Variants in GIGYF1 observed in about 807,000 individuals in gnomAD.
GIGYF1 encodes GRB10 interacting GYF protein 1.
GIGYF1 carries 84 observed loss-of-function variants against 147.1 expected under a neutral mutation model. The observed-to-expected ratio is 0.57, with a 90% confidence interval of 0.48 to 0.68. The LOEUF is 0.68. Ranked by LOEUF, GIGYF1 falls within the 30% of genes least tolerant of loss-of-function variation. The pLI, the probability that GIGYF1 is intolerant of heterozygous loss-of-function variation, is 0.00. For missense variants in GIGYF1, 1,485 were observed against 1,393.7 expected, an observed-to-expected ratio of 1.07 and a Z score of -1.04; for synonymous variants, 752 against 589.5, an observed-to-expected ratio of 1.28 and a Z score of -3.99.
chr7:100,684,129 C>G lies in GIGYF1; in HGVS notation c.1759G>C (p.Glu587Gln). 6.2e-7 allele frequency: 1 copy of G among 1,608,788 alleles called. No individual in the cohort carries two copies. The highest frequency in any genetic ancestry group is 8.5e-7 in the Non-Finnish European group (1 of 1,179,728). Reference protein sequence around the residue: ...SRQLPQCALREKAALGDLTPP... With the variant: ...SRQLPQCALRQKAALGDLTPP... The stretch of plus-strand genomic sequence containing the variant: ...GTCAGGTCCCCCAGAGCTGCCTTTT[C>G]TCGGAGCGCGCACTGTGGGAGCTGG... The change falls in exon 18 of 27, where the codon GAA (glutamate) becomes CAA (glutamine). Residue 587 changes from glutamate (E) to glutamine (Q), a missense_variant. Physicochemically the swap from Glu to Gln is conservative, Grantham distance 29. Coordinates refer to ENST00000678049, the MANE Select transcript of GIGYF1 (RefSeq NM_001375765.1).
chr7:100,693,166 T>C (rs1805951114), intron 1 of GIGYF1, among the ~76,000 whole-genome samples: 1 of 152,136 alleles, frequency 6.6e-6, no homozygotes, highest in Non-Finnish European at 1.5e-5. Flanking sequence ...CTAACAAGTC[T>C]TTATGTAGCA....
Position 100,687,357 on chromosome 7 carries a change from G to C in GIGYF1, c.423C>G (p.Gly141=). The change falls in exon 8 of 27, where the codon GGC becomes GGG. Residue 141 remains glycine, a synonymous_variant. Transcript: ENST00000678049. ...GGGGGCTTCGTCCAAAGGCCCCATCGCCTTCTTCGATGCTTCTTTGGTAAA... is the reference window on the plus strand; with the variant it reads ...GGGGGCTTCGTCCAAAGGCCCCATCCCCTTCTTCGATGCTTCTTTGGTAAA... ...SCFYQRSIEE[G]DGAFGRSPRE... 1 of 1,613,380 alleles carries C rather than the reference G, an allele frequency of 6.2e-7. No individual in the cohort carries two copies. The highest frequency in any genetic ancestry group is 1.7e-5 in the Admixed American group (1 of 60,016).
In GIGYF1 at chr7:100,681,771, C is replaced by T; in HGVS notation, c.3056G>A (p.Gly1019Glu). The stretch of plus-strand genomic sequence containing the variant: ...ACCAGAAGATCCGTGCAGGGAGTAC[C>T]CTGAAGCCGGGGAGAAGCTGCGTCT... ...LMLHSDPSIL[G>E]YSLHGSSGEI... Residue 1019 changes from glycine to glutamate, a missense_variant and splice_region_variant, in exon 27 of 27, where the codon GGG (glycine) becomes GAG (glutamate). By Grantham distance (98) the Gly-to-Glu change is moderately conservative. Transcript: ENST00000678049. The T allele has an allele frequency of 6.3e-7, 1 of 1,589,444 alleles. No individual in the cohort carries two copies. Among genetic ancestry groups the T allele is most frequent in the South Asian group, 1.1e-5 (1 of 87,326 alleles).
rs1804831546 is a variant in GIGYF1 at position 100,682,073 on chromosome 7, T to C, written c.2924A>G (p.Gln975Arg). ...AGCTGCTGGTGCCGGCTGCCTCACC[T>C]GCTGCTGCTGCCGCTGCTGGCTGGC... ...QKASQQRQQQQEAWLSSASLQ... is the reference protein window; with the variant it reads ...QKASQQRQQQREAWLSSASLQ... Residue 975 changes from glutamine to arginine, a missense_variant and splice_region_variant, in exon 25 of 27, where the codon CAG (glutamine) becomes CGG (arginine). Physicochemically the swap from Gln to Arg is conservative, Grantham distance 43 (BLOSUM62 1). Transcript: ENST00000678049. The C allele has an allele frequency of 6.2e-6, 10 of 1,611,002 alleles. No homozygotes were observed. Among genetic ancestry groups the C allele is most frequent in the Non-Finnish European group, 8.5e-6 (10 of 1,178,776 alleles).
At position 100,684,830 on chromosome 7, in the gene GIGYF1, G is replaced by A; in HGVS notation, c.1355C>T (p.Ala452Val). 1 of 1,608,600 alleles carries A rather than the reference G, an allele frequency of 6.2e-7. No individual in the cohort carries two copies. ...SSLEEEQFTAAMQTQGLRHSA... is the reference protein window; with the variant it reads ...SSLEEEQFTAVMQTQGLRHSA... ...GTGGCGCAGGCCCTGGGTCTGCATG[G>A]CAGCCGTGAACTGCTCCTCCTCCAA... The change falls in exon 15 of 27, where the codon GCC becomes GTC. Residue 452 changes from alanine (A) to valine (V), a missense_variant. Physicochemically the swap from Ala to Val is moderately conservative, Grantham distance 64. Transcript: ENST00000678049.
Position 100,685,366 on chromosome 7 carries a change from C to T in GIGYF1, c.1170G>A (p.Glu390=). Residue 390 remains glutamate, a synonymous_variant, in exon 13 of 27, where the codon GAG becomes GAA. Coordinates refer to ENST00000678049, the MANE Select transcript of GIGYF1 (RefSeq NM_001375765.1). ...GTNGDGDETA[E]KEPPAAEDDI... ...TACCTTCGGCCGCTGGGGGCTCTTT[C>T]TCTGCAGTTTCGTCCCCATCCCCGT... 1 of 1,599,292 alleles carries T rather than the reference C, an allele frequency of 6.3e-7. No individual in the cohort carries two copies. The highest frequency in any genetic ancestry group is 8.5e-7 in the Non-Finnish European group (1 of 1,176,026).
rs1487778287 is a variant in GIGYF1 at position 100,687,965 on chromosome 7, T to G, written c.165+16A>C. 6.2e-7 allele frequency: 1 copy of G among 1,608,954 alleles called. No individual in the cohort carries two copies. The highest frequency in any genetic ancestry group is 1.1e-5 in the South Asian group (1 of 90,832). ...CAGAGGCCACCACCGCCAACCCCCC[T>G]CGCCCACGCACCCACCTTGTTCTCC... On this transcript the variant is annotated intron_variant, in intron 5 of 26. Transcript: ENST00000678049.
At chr7:100,690,169 G>C (rs576395608) in intron 1 of GIGYF1, among the ~76,000 whole-genome samples, 2 of 152,146 alleles carry the variant, frequency 1.3e-5, no homozygotes, top group Non-Finnish European at 2.9e-5. Context: ...AAGCTTTAGG[G>C]AACAAAAGGT....
Position 100,685,462 on chromosome 7 carries a change from T to C in GIGYF1, c.1074A>G (p.Pro358=). The stretch of plus-strand genomic sequence containing the variant: ...TGGACTTCTCCTCCTGAGGAGGCAG[T>C]GGGGTCAGCTCTTTCCCACCTAGAA... ...GPEAGGKELT[P]LPPQEEKSSS... The change falls in exon 13 of 27, where the codon CCA becomes CCG. Residue 358 remains proline (P), a synonymous_variant. Transcript: ENST00000678049. 1.3e-6 allele frequency: 2 copies of C among 1,599,314 alleles called. No homozygotes were observed. The highest frequency in any genetic ancestry group is 8.5e-7 in the Non-Finnish European group (1 of 1,176,574).
Position 100,684,710 on chromosome 7 carries a change from C to T in GIGYF1, c.1462+13G>A, listed in dbSNP as rs746704561. 1 of 1,610,916 alleles carries T rather than the reference C, an allele frequency of 6.2e-7. No individual in the cohort carries two copies. Among genetic ancestry groups the T allele is most frequent in the Non-Finnish European group, 8.5e-7 (1 of 1,178,012 alleles). On this transcript the variant is annotated intron_variant, in intron 15 of 26. Coordinates refer to ENST00000678049, the MANE Select transcript of GIGYF1 (RefSeq NM_001375765.1). ...GAACGGCCTTGAGCAGCCCTCCCAT[C>T]CCACACAGGTACCTTGGATCTCGCC...
chr7:100,685,955 T>A lies in GIGYF1; in HGVS notation c.1054+19A>T, dbSNP rs1805285792. On this transcript the variant is annotated intron_variant, in intron 12 of 26. Coordinates refer to ENST00000678049, the MANE Select transcript of GIGYF1 (RefSeq NM_001375765.1). ...CTGCCCGGCCCAGCCCCAGGCCCGC[T>A]GGGCACCCCGCGGCTCACCTGCCTC... 6.2e-7 allele frequency: 1 copy of A among 1,605,234 alleles called. No homozygotes were observed. Among genetic ancestry groups the A allele is most frequent in the Non-Finnish European group, 8.5e-7 (1 of 1,174,868 alleles).
At chr7:100,686,508 G>A (rs985809180) in intron 10 of GIGYF1, 75 bp from the exon 11 acceptor site, 19 of 1,523,586 alleles carry the variant, frequency 1.2e-5, no homozygotes, top group African/African-American at 6.9e-5. Context: ...TGCAGCTCAC[G>A]GAGCACCTCC....
At position 100,686,709 on chromosome 7, in the gene GIGYF1, T is replaced by TGCC; in HGVS notation, c.631_633dup (p.Gly211dup). On this transcript the variant is annotated inframe_insertion, in exon 10 of 27. Transcript: ENST00000678049. Reference sequence around the variant, plus strand: ...CGGGGCCCTGCTCCGAGCCTCCAGCTGCCCTCCTCCTCCTCCTCCTGTTCC... The same window carrying TGCC: ...CGGGGCCCTGCTCCGAGCCTCCAGCTGCCGCCCTCCTCCTCCTCCTCCTGTTCC... 6.2e-7 allele frequency: 1 copy of TGCC among 1,613,392 alleles called. No individual in the cohort carries two copies. The highest frequency in any genetic ancestry group is 8.5e-7 in the Non-Finnish European group (1 of 1,179,884).
chr7:100,686,201 A>G lies in GIGYF1; in HGVS notation c.927T>C (p.Ser309=), dbSNP rs1805322041. 1.2e-6 allele frequency: 2 copies of G among 1,612,584 alleles called. No homozygotes were observed. The highest frequency in any genetic ancestry group is 1.7e-5 in the Admixed American group (1 of 59,866). ...EDEEMGTFDA[S]GAFLPLKKGP... is the part of the protein sequence containing the mutation. The stretch of plus-strand genomic sequence containing the variant: ...ATACCTTGAGAGGCAAGAAGGCCCC[A>G]GAGGCATCAAAGGTGCCCATTTCTT... The change falls in exon 11 of 27, where the codon TCT becomes TCC. Residue 309 remains serine (S), a synonymous_variant. Transcript: ENST00000678049.
At chr7:100,693,403 GTC>G (rs1805976584) in intron 1 of GIGYF1, among the ~76,000 whole-genome samples, 1 of 152,158 alleles carries the variant, frequency 6.6e-6, no homozygotes, top group Admixed American at 6.5e-5. Context: ...AGGACAAGCA[GTC>G]TCTGCTAAGG....
chr7:100,683,684 T>A (rs761675553), intron 19 of GIGYF1, 52 bp from the exon 20 acceptor site: 18 of 1,568,514 alleles, frequency 1.1e-5, no homozygotes, highest in Non-Finnish European at 1.6e-5. Context: ...TTGGGCCCAC[T>A]GATCTAGTCC....
At chr7:100,690,039 T>A (rs1415522168) in intron 1 of GIGYF1, among the ~76,000 whole-genome samples, 1 of 152,224 alleles carries the variant, frequency 6.6e-6, no homozygotes, top group Non-Finnish European at 1.5e-5. Flanking sequence ...CTGGGGCCGC[T>A]GGTGGTCATG....
intron 10 of GIGYF1, 28 bp downstream of exon 10, chr7:100,686,621 C>T (rs202153495): frequency 1.2e-5 from 19 of 1,591,352 alleles, no homozygotes; most frequent in South Asian, 2.3e-5. Flanking sequence ...CCACTGCCCC[C>T]GCCAATGCTA....
chr7:100,693,655 C>G (rs949521508), intron 1 of GIGYF1, among the ~76,000 whole-genome samples: 1 of 152,046 alleles, frequency 6.6e-6, no homozygotes, highest in Non-Finnish European at 1.5e-5. Flanking sequence ...GCGCGGGGCC[C>G]GGCCACCCTA....
Sources: allele counts gnomAD v4.1 joint callset (sites outside exome capture counted in the v4.1 genomes callset), GRCh38; gene constraint gnomAD v4.1.1; transcripts MANE v1.5; gene names NCBI Gene and HGNC (gene_info 2026-07-23, HGNC 2026-07-21).